TMEM164: variants seen among roughly 807,000 people sequenced by gnomAD.
The protein encoded by TMEM164 is transmembrane protein 164, also known as RP13-360B22.2.
A neutral mutation model predicts 18.8 loss-of-function variants in TMEM164; 4 were observed. That is an observed-to-expected ratio of 0.21 (90% CI 0.10 to 0.49). TMEM164 has a LOEUF of 0.49. TMEM164 is among the 20% of genes least tolerant of loss of function. The probability of loss-of-function intolerance (pLI) is 0.98; values close to 1 mark genes in which losing one functional copy is unlikely to be tolerated. For missense variants in TMEM164, 108 were observed against 239.9 expected, an observed-to-expected ratio of 0.45 and a Z score of 3.63; for synonymous variants, 86 against 101.7, an observed-to-expected ratio of 0.85 and a Z score of 0.93.
At chrX:110,105,887 C>T (rs774771712) in intron 3 of TMEM164, among the ~76,000 whole-genome samples, 1 of 111,431 alleles carries the variant, frequency 9.0e-6, no homozygotes, top group East Asian at 2.8e-4. Flanking sequence ...TGACTTCAGC[C>T]TCTGCCACTT....
chrX:110,145,699 T>G, intron 5 of TMEM164, among the ~76,000 whole-genome samples: 1 of 112,177 alleles, frequency 8.9e-6, no homozygotes, highest in Non-Finnish European at 1.9e-5. Context: ...TCTACCATAC[T>G]GAAAGTGGCA....
At chrX:110,128,725 T>TCTTA (rs2066570507) in intron 4 of TMEM164, among the ~76,000 whole-genome samples, 1 of 112,181 alleles carries the variant, frequency 8.9e-6, no homozygotes, top group Non-Finnish European at 1.9e-5. Flanking sequence ...TTCTAATTTG[T>TCTTA]CTTACTGTAT....
At chrX:110,148,756 G>A (rs754616781) in intron 5 of TMEM164, among the ~76,000 whole-genome samples, 1 of 103,205 alleles carries the variant, frequency 9.7e-6, no homozygotes, top group African/African-American at 3.6e-5. Context: ...GAACTCTTGG[G>A]CTCAAGTGAT....
intron 2 of TMEM164, among the ~76,000 whole-genome samples, chrX:110,028,268 G>T (rs1934298937): frequency 8.9e-6 from 1 of 112,003 alleles, no homozygotes; most frequent in Non-Finnish European, 1.9e-5. Flanking sequence ...CTCACTAGTA[G>T]TTTGTAAGTT....
intron 2 of TMEM164, among the ~76,000 whole-genome samples, chrX:110,039,179 G>A (rs1934983863): frequency 8.9e-6 from 1 of 112,222 alleles, no homozygotes; most frequent in Non-Finnish European, 1.9e-5. Context: ...ACCCAGTAAG[G>A]ACTCAATAAA....
chrX:110,172,265 T>G (rs899356682), intron 6 of TMEM164, among the ~76,000 whole-genome samples: 5 of 111,696 alleles, frequency 4.5e-5, no homozygotes, highest in African/African-American at 1.6e-4. Context: ...GGACTTGTCT[T>G]TAATGTGAAC....
chrX:110,079,319 G>T (rs1409512080), intron 3 of TMEM164, among the ~76,000 whole-genome samples: 1 of 111,527 alleles, frequency 9.0e-6, no homozygotes, highest in Non-Finnish European at 1.9e-5. Context: ...TAATAAGTAG[G>T]TGTTATTGTC....
intron 5 of TMEM164, among the ~76,000 whole-genome samples, chrX:110,170,144 C>T (rs2067211276): frequency 8.9e-6 from 1 of 112,663 alleles, no homozygotes; most frequent in African/African-American, 3.2e-5. Flanking sequence ...CCACTCTTGT[C>T]TGTCTCCATG....
intron 2 of TMEM164, among the ~76,000 whole-genome samples, chrX:110,024,033 G>A (rs1482333203): frequency 3.6e-5 from 4 of 111,244 alleles, no homozygotes; most frequent in Non-Finnish European, 7.5e-5. Context: ...CAGACCAGAT[G>A]GTATCTAAGA....
At chrX:110,168,036 C>G (rs773988984) in intron 5 of TMEM164, among the ~76,000 whole-genome samples, 5 of 112,273 alleles carry the variant, frequency 4.5e-5, no homozygotes, top group South Asian at 3.7e-4. Flanking sequence ...TTCCTGCCAC[C>G]GCCTGTTGGC....
chrX:110,151,257 G>A (rs1458914010), intron 5 of TMEM164, among the ~76,000 whole-genome samples: 1 of 111,820 alleles, frequency 8.9e-6, no homozygotes, highest in Non-Finnish European at 1.9e-5. Context: ...CCCAGAAGTG[G>A]TAATGCTGAA....
chrX:110,151,645 G>A (rs904163533), intron 5 of TMEM164, among the ~76,000 whole-genome samples: 7 of 111,020 alleles, frequency 6.3e-5, no homozygotes, highest in Admixed American at 2.9e-4. Flanking sequence ...GCCAAGTGTG[G>A]TGGTGCGCAT....
At chrX:110,098,667 G>A (rs778302080) in intron 3 of TMEM164, among the ~76,000 whole-genome samples, 2 of 110,958 alleles carry the variant, frequency 1.8e-5, no homozygotes, top group African/African-American at 6.6e-5. Flanking sequence ...TCTTATTATC[G>A]TTTTAGTTTG....
intron 2 of TMEM164, among the ~76,000 whole-genome samples, chrX:110,004,924 G>T: frequency 8.9e-6 from 1 of 112,346 alleles, no homozygotes; most frequent in Non-Finnish European, 1.9e-5. Context: ...CCACCCATTA[G>T]CGGTGCTAAG....
At chrX:110,072,623 C>T (rs2065611516) in intron 3 of TMEM164, among the ~76,000 whole-genome samples, 1 of 110,980 alleles carries the variant, frequency 9.0e-6, no homozygotes, top group Non-Finnish European at 1.9e-5. Flanking sequence ...TTTGTGTTCT[C>T]TCCTCTGTAT....
At position 110,068,118 on chromosome X, in the gene TMEM164, A is replaced by ATGTTCCTC. The variant is rs2065529513; in HGVS notation, c.440+724_440+725insTTCCTCTG. ...TCTGGAGATGTTCCTGAGCAGTGAAATGGCTGCAAGCCAGAGGAAGGGAAC... is the reference window on the plus strand; with the variant it reads ...TCTGGAGATGTTCCTGAGCAGTGAAATGTTCCTCTGGCTGCAAGCCAGAGGAAGGGAAC... On this transcript the variant is annotated intron_variant, in intron 3 of 6. Coordinates refer to ENST00000372068, the MANE Select transcript of TMEM164 (RefSeq NM_032227.4). Among the ~76,000 whole-genome samples the ATGTTCCTC allele has an allele frequency of 4.4e-5, 5 of 112,754 alleles. No homozygotes were observed. The Admixed American group carries it at 4.7e-4, about 11-fold the overall frequency.
intron 2 of TMEM164, among the ~76,000 whole-genome samples, chrX:110,017,444 T>TTCTTTCTC (rs1182465665): frequency 5.3e-4 from 23 of 43,026 alleles, no homozygotes; most frequent in South Asian, 1.6e-3. Context: ...CTTTCTTTCT[T>TTCTTTCTC]TCTCTCTCTC....
At chrX:110,140,027 G>A (rs2066746615) in intron 4 of TMEM164, among the ~76,000 whole-genome samples, 1 of 111,550 alleles carries the variant, frequency 9.0e-6, no homozygotes, top group South Asian at 3.8e-4. Flanking sequence ...AGCATGGAGG[G>A]CAAGGCATTG....
chrX:110,097,983 G>A (rs2066048386), intron 3 of TMEM164, among the ~76,000 whole-genome samples: 2 of 111,732 alleles, frequency 1.8e-5, no homozygotes, highest in Non-Finnish European at 3.8e-5. Context: ...GACATGTATA[G>A]ATTATTATAA....
Sources: allele counts gnomAD v4.1 joint callset (sites outside exome capture counted in the v4.1 genomes callset), GRCh38; gene constraint gnomAD v4.1.1; transcripts MANE v1.5; gene names NCBI Gene and HGNC (gene_info 2026-07-23, HGNC 2026-07-21).